CCDC197: variants seen among roughly 807,000 people sequenced by gnomAD.
CCDC197 encodes the protein coiled-coil domain containing 197, also known as uncharacterized protein CCDC197.
CCDC197 carries 24 observed loss-of-function variants against 13.4 expected under a neutral mutation model. That is an observed-to-expected ratio of 1.80 (90% CI 1.30 to 2.53). The LOEUF (loss-of-function observed/expected upper bound fraction) is 2.53. Ranked by LOEUF, CCDC197 falls within the 30% of genes most tolerant of loss-of-function variation. CCDC197 has a pLI of 0.00. For missense variants in CCDC197, 255 were observed against 148.8 expected (o/e 1.71, Z -3.71); for synonymous variants, 99 against 55.5 (o/e 1.78, Z -3.48).
downstream of CCDC197, among the ~76,000 whole-genome samples, chr14:94,011,316 G>A (rs940321847): frequency 2.0e-5 from 3 of 152,202 alleles, no homozygotes; most frequent in Non-Finnish European, 4.4e-5. Flanking sequence ...TGCACCTGTC[G>A]TGCTTGATCT....
intron 6 of CCDC197, among the ~76,000 whole-genome samples, chr14:94,005,785 A>G (rs903798388): frequency 3.0e-4 from 45 of 152,314 alleles, no homozygotes; most frequent in Admixed American, 1.7e-3. Context: ...TTCATTTAGC[A>G]TAATGTTTTC....
chr14:94,008,823 C>T lies in CCDC197; in HGVS notation c.*11C>T, dbSNP rs1432271559. 1 of 692,432 alleles carries T rather than the reference C, an allele frequency of 1.4e-6. No homozygotes were observed. Among genetic ancestry groups the T allele is most frequent in the Admixed American group, 2.0e-5 (1 of 49,658 alleles). 42.9% of individuals were successfully genotyped at this position (692,432 alleles called of 1,614,324 possible). On this transcript the variant is annotated 3_prime_UTR_variant, in exon 7 of 7. Transcript: ENST00000636493. The stretch of plus-strand genomic sequence containing the variant: ...TCCGGCCTGTACTGACCAGCCTGCG[C>T]CTTGCAGGCCCCATGGCATCACGAC...
downstream of CCDC197, among the ~76,000 whole-genome samples, chr14:94,011,296 C>G (rs1189043168): frequency 1.3e-5 from 2 of 152,238 alleles, no homozygotes; most frequent in African/African-American, 2.4e-5. Flanking sequence ...CCCCTATCAC[C>G]TGCCTGCTGT....
intron 2 of CCDC197, among the ~76,000 whole-genome samples, chr14:93,998,696 GAAGAA>G (rs1396144858): frequency 1.3e-5 from 2 of 152,198 alleles, no homozygotes; most frequent in Non-Finnish European, 2.9e-5. Context: ...AAAGTTTTAT[GAAGAA>G]AAGAGCTGAC....
At chr14:94,007,396 G>A (rs1349108496) in intron 6 of CCDC197, 1 of 152,166 alleles carries the variant, frequency 6.6e-6, no homozygotes, top group African/African-American at 2.4e-5. Flanking sequence ...TCCCCTTTGA[G>A]TTTTCTCAGG....
At chr14:93,990,684 G>A (rs1014665381) in intron 1 of CCDC197, among the ~76,000 whole-genome samples, 1 of 152,200 alleles carries the variant, frequency 6.6e-6, no homozygotes, top group Non-Finnish European at 1.5e-5. Context: ...GTGCACATTG[G>A]GGTGGGTGAG....
downstream of CCDC197, among the ~76,000 whole-genome samples, chr14:94,009,715 C>T (rs1352862413): frequency 2.0e-5 from 3 of 152,112 alleles, no homozygotes; most frequent in East Asian, 3.9e-4. Flanking sequence ...GGTGACAGAG[C>T]GAGACCCTGT....
At chr14:93,990,538 C>T (rs1890191453) in intron 1 of CCDC197, among the ~76,000 whole-genome samples, 1 of 152,246 alleles carries the variant, frequency 6.6e-6, no homozygotes, top group Admixed American at 6.5e-5. Flanking sequence ...AGCCTATTTT[C>T]CAGGAGCTGG....
At chr14:94,005,058 C>T (rs923878270) in intron 6 of CCDC197, 87 bp downstream of exon 6, 17 of 642,830 alleles carry the variant, frequency 2.6e-5, no homozygotes, top group Non-Finnish European at 4.0e-5. Flanking sequence ...GCCCAGGCTG[C>T]ATTTGTGTTT....
rs1189524166 is a variant in CCDC197 at position 94,001,416 on chromosome 14, G to C, written c.366+93G>C. 6.7e-6 allele frequency: 4 copies of C among 598,368 alleles called. No homozygotes were observed. The Admixed American group carries it at 1.2e-4, about 17-fold the overall frequency. 37.1% of individuals were successfully genotyped at this position (598,368 alleles called of 1,614,324 possible). A position where few individuals can be genotyped will look rare whatever the true frequency, so the allele number is the denominator to read the frequency against. On this transcript the variant is annotated intron_variant, in intron 4 of 6. Transcript: ENST00000636493. Reference sequence around the variant, plus strand: ...CCTGCATAGCCCTGGGGAAGGCCTAGAGGGAGCAGCGGCGTAATGCTGGGG... The same window carrying C: ...CCTGCATAGCCCTGGGGAAGGCCTACAGGGAGCAGCGGCGTAATGCTGGGG...
upstream of CCDC197, among the ~76,000 whole-genome samples, chr14:93,994,063 G>C (rs556641278): frequency 2.6e-5 from 4 of 152,300 alleles, no homozygotes; most frequent in South Asian, 8.3e-4. Context: ...AAGAGGAAGA[G>C]CCAGGGCGGT....
At chr14:94,005,049 C>A in intron 6 of CCDC197, 78 bp downstream of exon 6, 1 of 653,950 alleles carries the variant, frequency 1.5e-6, no homozygotes, top group Non-Finnish European at 2.8e-6. Context: ...TGCTCCTTAG[C>A]CCAGGCTGCA....
rs1174282636 is a variant in CCDC197 at position 94,005,546 on chromosome 14, C to T, written c.615+575C>T. ...ATGCTGTTACTGCAGTAACAGAAAA[C>T]GTGATCAGATTGGCTTTGATTGACA... On this transcript the variant is annotated intron_variant, in intron 6 of 6. Coordinates refer to ENST00000636493, the MANE Select transcript of CCDC197 (RefSeq NM_001351596.2). 3.3e-5 allele frequency among the ~76,000 whole-genome samples: 5 copies of T among 152,150 alleles called. No homozygotes were observed. The East Asian group carries it at 5.8e-4, about 18-fold the overall frequency.
chr14:94,004,218 C>A (rs17129420), intron 5 of CCDC197, among the ~76,000 whole-genome samples: 3,480 of 152,192 alleles, frequency 0.023, 125 homozygotes, highest in African/African-American at 0.079. Context: ...TCGCCATAAA[C>A]GGAGGCAACA....
chr14:94,008,821 C>T lies in CCDC197; in HGVS notation c.*9C>T, dbSNP rs139448583. 2.7e-4 allele frequency: 185 copies of T among 693,578 alleles called. No individual in the cohort carries two copies. In the African/African-American group the frequency reaches 2.7e-3, roughly 10 times the overall value. The allele number at this position is 693,578 out of a possible 1,614,324, so 43.0% of individuals were successfully genotyped here. On this transcript the variant is annotated 3_prime_UTR_variant, in exon 7 of 7. Coordinates refer to ENST00000636493, the MANE Select transcript of CCDC197 (RefSeq NM_001351596.2). Reference sequence around the variant, plus strand: ...GCTCCGGCCTGTACTGACCAGCCTGCGCCTTGCAGGCCCCATGGCATCACG... The same window carrying T: ...GCTCCGGCCTGTACTGACCAGCCTGTGCCTTGCAGGCCCCATGGCATCACG...
downstream of CCDC197, among the ~76,000 whole-genome samples, chr14:94,010,189 GTGTT>G (rs57817095): frequency 0.013 from 1,921 of 151,086 alleles, 36 homozygotes; most frequent in South Asian, 0.043. Flanking sequence ...ATATTTTGGG[GTGTT>G]TGTTTGTTTG....
At chr14:93,995,467 C>G (rs1254307050), upstream of CCDC197, among the ~76,000 whole-genome samples, 1 of 152,202 alleles carries the variant, frequency 6.6e-6, no homozygotes, top group African/African-American at 2.4e-5. Flanking sequence ...CCTCCTCAGC[C>G]TGTTGTCCCT....
intron 4 of CCDC197, 126 bp downstream of exon 4, chr14:94,001,449 G>C (rs1197462876): frequency 1.6e-5 from 9 of 553,586 alleles, no homozygotes; most frequent in South Asian, 2.3e-5. Flanking sequence ...GGGGGCCCTC[G>C]GTGGGGCTGT....
At chr14:94,006,812 T>C (rs1890693345) in intron 6 of CCDC197, among the ~76,000 whole-genome samples, 1 of 152,132 alleles carries the variant, frequency 6.6e-6, no homozygotes, top group Admixed American at 6.5e-5. Flanking sequence ...TGGAATCCAA[T>C]TTGTTTGTTT....
Sources: gnomAD v4.1 joint callset for allele counts (sites outside exome capture counted in the v4.1 genomes callset) on GRCh38, gnomAD v4.1.1 for gene constraint, MANE v1.5 for transcripts, NCBI Gene and HGNC (gene_info 2026-07-23, HGNC 2026-07-21) for gene names.